The following SEMA3E variants were observed in gnomAD, a reference collection of about 807,000 sequenced individuals.
SEMA3E encodes the protein semaphorin 3E.
SEMA3E carries 49 observed loss-of-function variants against 93.6 expected under a neutral mutation model. The observed-to-expected ratio is 0.52, with a 90% CI of 0.42 to 0.66. The LOEUF (loss-of-function observed/expected upper bound fraction) is 0.66. SEMA3E is among the 30% of genes least tolerant of loss of function. SEMA3E has a pLI of 0.00. For missense variants in SEMA3E, 906 were observed against 964.8 expected (o/e 0.94, Z 0.81); for synonymous variants, 363 against 330.7 (o/e 1.10, Z -1.06).
At chr7:83,646,370 A>G (rs896944375) in intron 1 of SEMA3E, among the ~76,000 whole-genome samples, 4 of 152,066 alleles carry the variant, frequency 2.6e-5, no homozygotes, top group African/African-American at 4.8e-5. Flanking sequence ...CTCCTCTGAC[A>G]GTATATATGC....
chr7:83,461,520 G>A (rs1412733782), intron 4 of SEMA3E, among the ~76,000 whole-genome samples: 3 of 152,108 alleles, frequency 2.0e-5, no homozygotes, highest in African/African-American at 4.8e-5. Flanking sequence ...TGGAGCTAAA[G>A]GCATAGTCAA....
intron 1 of SEMA3E, among the ~76,000 whole-genome samples, chr7:83,607,593 A>G (rs1045668435): frequency 3.3e-5 from 5 of 152,176 alleles, no homozygotes; most frequent in African/African-American, 9.7e-5. Context: ...TATTCACTTG[A>G]AAAATGCTAT....
At chr7:83,452,158 T>G (rs1036440858) in intron 4 of SEMA3E, among the ~76,000 whole-genome samples, 2 of 152,168 alleles carry the variant, frequency 1.3e-5, no homozygotes, top group African/African-American at 4.8e-5. Flanking sequence ...TCTGTGTGTG[T>G]GTGTATGAAT....
chr7:83,582,356 G>A lies in SEMA3E; in HGVS notation c.115+66072C>T, dbSNP rs568571509. Among the ~76,000 whole-genome samples the A allele has an allele frequency of 1.5e-3, 235 of 151,776 alleles. 1 individual carries two copies. The highest frequency in any genetic ancestry group is 3.4e-3 in the Middle Eastern group (1 of 294). ...TTTTAAAATAACATTTAGATTAAAAGCCCATACTCCTAATAAACAATGGAA... is the reference window on the plus strand; with the variant it reads ...TTTTAAAATAACATTTAGATTAAAAACCCATACTCCTAATAAACAATGGAA... On this transcript the variant is annotated intron_variant, in intron 1 of 16. Coordinates refer to ENST00000643230, the MANE Select transcript of SEMA3E (RefSeq NM_012431.3).
chr7:83,377,426 GTTGTAGCTA>G (rs1408568681), intron 16 of SEMA3E, among the ~76,000 whole-genome samples: 1 of 151,876 alleles, frequency 6.6e-6, no homozygotes, highest in East Asian at 1.9e-4. Context: ...TGTGGTCTCT[GTTGTAGCTA>G]CTCGACTTTG....
intron 2 of SEMA3E, among the ~76,000 whole-genome samples, chr7:83,487,715 G>A (rs1012137531): frequency 1.4e-5 from 2 of 141,728 alleles, no homozygotes; most frequent in Non-Finnish European, 3.1e-5. Context: ...GTGTGTGTGT[G>A]TATTTTATAT....
chr7:83,478,362 A>G (rs1790066739), intron 2 of SEMA3E, among the ~76,000 whole-genome samples: 1 of 152,198 alleles, frequency 6.6e-6, no homozygotes, highest in Admixed American at 6.5e-5. Context: ...GTTCCCCAAA[A>G]TATGGCTTAA....
intron 11 of SEMA3E, among the ~76,000 whole-genome samples, chr7:83,399,203 G>T (rs144749292): frequency 9.2e-5 from 14 of 152,160 alleles, no homozygotes; most frequent in African/African-American, 2.6e-4. Flanking sequence ...GACAATGAAA[G>T]AATCATTTTA....
chr7:83,446,491 G>A (rs1789233118), intron 4 of SEMA3E, among the ~76,000 whole-genome samples: 1 of 152,172 alleles, frequency 6.6e-6, no homozygotes, highest in South Asian at 2.1e-4. Flanking sequence ...TCTCCCCTGT[G>A]TCAGAAAAAA....
intron 1 of SEMA3E, among the ~76,000 whole-genome samples, chr7:83,619,550 G>A (rs771450833): frequency 6.6e-6 from 1 of 151,716 alleles, no homozygotes; most frequent in Non-Finnish European, 1.5e-5. Context: ...TAGAAAAAGA[G>A]AAATGAAGAA....
intron 16 of SEMA3E, chr7:83,371,921 T>C: frequency 5.1e-6 from 1 of 195,400 alleles, no homozygotes; most frequent in Non-Finnish European, 1.0e-5. Context: ...ACAATACCAT[T>C]TACATTTGTA....
chr7:83,461,201 T>C (rs1243356931), intron 4 of SEMA3E, among the ~76,000 whole-genome samples: 2 of 152,168 alleles, frequency 1.3e-5, no homozygotes, highest in Non-Finnish European at 2.9e-5. Flanking sequence ...AGTCCCTTCC[T>C]AGTCTCTGTG....
chr7:83,513,713 T>G (rs1311851664), intron 1 of SEMA3E, among the ~76,000 whole-genome samples: 2 of 152,240 alleles, frequency 1.3e-5, no homozygotes, highest in Non-Finnish European at 2.9e-5. Context: ...TATGTAATTT[T>G]AGACAATAAT....
At chr7:83,634,434 G>T (rs1452479700) in intron 1 of SEMA3E, among the ~76,000 whole-genome samples, 1 of 151,846 alleles carries the variant, frequency 6.6e-6, no homozygotes, top group Non-Finnish European at 1.5e-5. Flanking sequence ...AAATATATCA[G>T]ACTTCAGTTT....
intron 4 of SEMA3E, among the ~76,000 whole-genome samples, chr7:83,446,789 G>A (rs1406689450): frequency 2.0e-5 from 3 of 152,166 alleles, no homozygotes; most frequent in Non-Finnish European, 4.4e-5. Flanking sequence ...GCATTAAGAA[G>A]TGACTTCATT....
In SEMA3E at chr7:83,621,856, G is replaced by T. The variant is rs561447783; in HGVS notation, c.115+26572C>A. ...AAAGATTAAATCAAGATGGATTAAA[G>T]ATTTAAATGTAAAACCCATAACTAT... On this transcript the variant is annotated intron_variant, in intron 1 of 16. Coordinates refer to ENST00000643230, the MANE Select transcript of SEMA3E (RefSeq NM_012431.3). Among the ~76,000 whole-genome samples the T allele has an allele frequency of 2.4e-4, 36 of 152,254 alleles. 1 individual carries two copies. The South Asian group carries it at 6.8e-3, about 29-fold the overall frequency.
At chr7:83,600,320 CTT>C (rs34265150) in intron 1 of SEMA3E, among the ~76,000 whole-genome samples, 3 of 142,900 alleles carry the variant, frequency 2.1e-5, no homozygotes, top group African/African-American at 2.6e-5. Flanking sequence ...AATATTAATT[CTT>C]TTTTTTTTTT....
intron 1 of SEMA3E, among the ~76,000 whole-genome samples, chr7:83,578,955 G>T (rs1792463688): frequency 6.6e-6 from 1 of 151,966 alleles, no homozygotes; most frequent in Non-Finnish European, 1.5e-5. Flanking sequence ...TTAGTACCAT[G>T]ATTTGAATCA....
At chr7:83,543,182 G>C (rs1257695872) in intron 1 of SEMA3E, among the ~76,000 whole-genome samples, 1 of 151,950 alleles carries the variant, frequency 6.6e-6, no homozygotes. Context: ...CACATGGATT[G>C]ACAAAATGTT....
Sources: allele counts gnomAD v4.1 joint callset (sites outside exome capture counted in the v4.1 genomes callset), GRCh38; gene constraint gnomAD v4.1.1; transcripts MANE v1.5; gene names NCBI Gene and HGNC (gene_info 2026-07-23, HGNC 2026-07-21).